XRN2: variants seen among roughly 807,000 people sequenced by gnomAD.
XRN2 encodes the protein DHM1-like protein.
XRN2 carries 44 observed loss-of-function variants against 138.5 expected under a neutral mutation model. The ratio of observed to expected loss-of-function variants is 0.32; its 90% CI spans 0.25 to 0.41. XRN2 has a LOEUF of 0.41. XRN2 is among the 10% of genes least tolerant of loss of function. The pLI is 1.00. For missense variants in XRN2, 937 were observed against 1,169.3 expected, an observed-to-expected ratio of 0.80 and a Z score of 2.90; for synonymous variants, 354 against 369.4, an observed-to-expected ratio of 0.96 and a Z score of 0.48.
At chr20:21,324,114 T>A (rs1428727444) in intron 1 of XRN2, among the ~76,000 whole-genome samples, 1 of 152,106 alleles carries the variant, frequency 6.6e-6, no homozygotes, top group Non-Finnish European at 1.5e-5. Flanking sequence ...TTTGGGGTCA[T>A]CAAATTATCT....
intron 15 of XRN2, 51 bp downstream of exon 15, chr20:21,340,903 C>T: frequency 1.2e-6 from 2 of 1,601,240 alleles, no homozygotes; most frequent in Non-Finnish European, 8.5e-7. Context: ...TATCACATAC[C>T]TCTTGCAGGG....
chr20:21,386,202 G>A (rs761476291), intron 28 of XRN2, among the ~76,000 whole-genome samples: 56 of 152,202 alleles, frequency 3.7e-4, no homozygotes, highest in Non-Finnish European at 7.5e-4. Flanking sequence ...TATAATAGCC[G>A]TTGAATCTGT....
intron 24 of XRN2, among the ~76,000 whole-genome samples, chr20:21,363,962 C>T (rs1273007774): frequency 6.6e-6 from 1 of 151,958 alleles, no homozygotes; most frequent in East Asian, 1.9e-4. Context: ...GACGGAGTCT[C>T]ACTCTGTCGC....
chr20:21,349,843 G>A (rs1347459866), intron 20 of XRN2, among the ~76,000 whole-genome samples: 1 of 152,238 alleles, frequency 6.6e-6, no homozygotes. Context: ...GATTAGCAAT[G>A]ATTAATAGTA....
chr20:21,359,154 GGAT>G (rs1286826084), intron 24 of XRN2, among the ~76,000 whole-genome samples: 4 of 152,152 alleles, frequency 2.6e-5, no homozygotes, highest in African/African-American at 7.2e-5. Context: ...TTTTTTGTTT[GGAT>G]GATGATGATG....
intron 28 of XRN2, among the ~76,000 whole-genome samples, chr20:21,385,206 T>G (rs530089459): frequency 6.6e-6 from 1 of 152,352 alleles, no homozygotes; most frequent in East Asian, 1.9e-4. Flanking sequence ...CTCAATTGAA[T>G]TTTATTATTG....
At chr20:21,356,761 G>T in intron 23 of XRN2, 96 bp downstream of exon 23, 2 of 1,044,566 alleles carry the variant, frequency 1.9e-6, no homozygotes, top group Non-Finnish European at 2.8e-6. Context: ...TAATAATAGT[G>T]AGAAAATTGT....
intron 21 of XRN2, 76 bp from the exon 22 acceptor site, chr20:21,356,004 G>C: frequency 9.8e-7 from 1 of 1,022,126 alleles, no homozygotes; most frequent in South Asian, 1.6e-5. Flanking sequence ...GCTTTCCCTT[G>C]TTTTATGCTC....
intron 27 of XRN2, among the ~76,000 whole-genome samples, chr20:21,378,487 G>C (rs1012932215): frequency 6.6e-6 from 1 of 152,208 alleles, no homozygotes; most frequent in African/African-American, 2.4e-5. Flanking sequence ...CCTCTGACAG[G>C]TTTGGTCATT....
chr20:21,384,595 A>AT (rs1334992545), intron 28 of XRN2, among the ~76,000 whole-genome samples: 2 of 152,124 alleles, frequency 1.3e-5, no homozygotes, highest in Non-Finnish European at 2.9e-5. Flanking sequence ...GGTTCAAGTG[A>AT]TTCTGATGCT....
Position 21,356,069 on chromosome 20 carries a change from T to C in XRN2, c.2021-11T>C. The C allele has an allele frequency of 6.2e-7, 1 of 1,601,866 alleles. No individual in the cohort carries two copies. Among genetic ancestry groups the C allele is most frequent in the East Asian group, 2.2e-5 (1 of 44,534 alleles). ...TTTATGTGTAGGTCTTATTCTTTTC[T>C]TTCTCCCTAGCCAGAAGAAACAGCC... On this transcript the variant is annotated splice_polypyrimidine_tract_variant and intron_variant, in intron 21 of 29. Coordinates refer to ENST00000377191, the MANE Select transcript of XRN2 (RefSeq NM_012255.5).
At chr20:21,324,781 A>G (rs1004696735) in intron 1 of XRN2, among the ~76,000 whole-genome samples, 1 of 152,154 alleles carries the variant, frequency 6.6e-6, no homozygotes, top group Non-Finnish European at 1.5e-5. Flanking sequence ...CTACCCGCAC[A>G]TACCACCATA....
intron 1 of XRN2, among the ~76,000 whole-genome samples, chr20:21,314,470 A>C (rs893601039): frequency 1.3e-5 from 2 of 152,100 alleles, no homozygotes; most frequent in African/African-American, 2.4e-5. Flanking sequence ...TTGCTGGATT[A>C]TATGGTTTAA....
At chr20:21,343,335 G>A (rs899230916) in intron 15 of XRN2, among the ~76,000 whole-genome samples, 7 of 151,982 alleles carry the variant, frequency 4.6e-5, no homozygotes, top group African/African-American at 1.2e-4. Flanking sequence ...TAAAATTAAC[G>A]TATTATGTTA....
intron 13 of XRN2, among the ~76,000 whole-genome samples, chr20:21,336,191 G>A (rs2038289118): frequency 6.6e-6 from 1 of 152,220 alleles, no homozygotes; most frequent in Admixed American, 6.5e-5. Context: ...TAAGCGTGGT[G>A]GCTCATGCCT....
At chr20:21,315,557 A>G (rs924153633) in intron 1 of XRN2, among the ~76,000 whole-genome samples, 2 of 152,074 alleles carry the variant, frequency 1.3e-5, no homozygotes, top group Non-Finnish European at 2.9e-5. Context: ...CAGTGGCACA[A>G]TCTCAGCTCA....
chr20:21,332,448 C>A lies in XRN2; in HGVS notation c.858+8C>A. 6.3e-7 allele frequency: 1 copy of A among 1,581,214 alleles called. No individual in the cohort carries two copies. Among genetic ancestry groups the A allele is most frequent in the Non-Finnish European group, 8.6e-7 (1 of 1,166,416 alleles). The stretch of plus-strand genomic sequence containing the variant: ...AGAGAAAAGAAGGGAAAGGTAAGAA[C>A]TTTGAGATGGTAGTTGCCTCATTAA... On this transcript the variant is annotated splice_region_variant and intron_variant, in intron 9 of 29. Coordinates refer to ENST00000377191, the MANE Select transcript of XRN2 (RefSeq NM_012255.5).
At chr20:21,337,613 G>A (rs995985527) in intron 13 of XRN2, among the ~76,000 whole-genome samples, 9 of 152,108 alleles carry the variant, frequency 5.9e-5, no homozygotes, top group South Asian at 2.1e-4. Context: ...CAAGTACTGG[G>A]CCCAGGGGAG....
chr20:21,324,750 C>T (rs1042732376), intron 1 of XRN2, among the ~76,000 whole-genome samples: 3 of 152,180 alleles, frequency 2.0e-5, no homozygotes, highest in Admixed American at 1.3e-4. Context: ...CCTCTCACCT[C>T]AGCTTCCGAA....
Sources: gnomAD v4.1 joint callset for allele counts (sites outside exome capture counted in the v4.1 genomes callset) on GRCh38, gnomAD v4.1.1 for gene constraint, MANE v1.5 for transcripts, NCBI Gene and HGNC (gene_info 2026-07-23, HGNC 2026-07-21) for gene names.